Variants in SCN9A observed in about 807,000 individuals in gnomAD.
SCN9A encodes sodium channel protein type 9 subunit alpha.
SCN9A carries 131 observed loss-of-function variants against 187.0 expected under a neutral mutation model. The ratio of observed to expected loss-of-function variants is 0.70; its 90% CI spans 0.61 to 0.81. SCN9A has a LOEUF of 0.81. Among genes scored for constraint, SCN9A ranks in the 30% least tolerant of loss-of-function variants. The pLI is 0.00. For synonymous variants in SCN9A, 809 were observed against 808.6 expected (o/e 1.00, Z -0.01); for missense variants, 2,252 against 2,396.6 (o/e 0.94, Z 1.26).
intron 1 of SCN9A, among the ~76,000 whole-genome samples, chr2:166,355,255 A>G (rs1455334220): frequency 6.6e-6 from 1 of 152,060 alleles, no homozygotes; most frequent in Non-Finnish European, 1.5e-5. Flanking sequence ...TTTTATATAT[A>G]TATACATACT....
intron 1 of SCN9A, among the ~76,000 whole-genome samples, chr2:166,341,054 G>C (rs1699773449): frequency 6.6e-6 from 1 of 152,056 alleles, no homozygotes; most frequent in Admixed American, 6.6e-5. Flanking sequence ...ATTTTCTAAA[G>C]AACTATTTCC....
chr2:166,336,037 C>T (rs1699618052), intron 1 of SCN9A, among the ~76,000 whole-genome samples: 1 of 151,778 alleles, frequency 6.6e-6, no homozygotes, highest in Admixed American at 6.6e-5. Context: ...AATGTTACAC[C>T]ATTTTATGTA....
At chr2:166,215,305 A>C (rs1694283687) in intron 24 of SCN9A, among the ~76,000 whole-genome samples, 1 of 152,146 alleles carries the variant, frequency 6.6e-6, no homozygotes, top group East Asian at 1.9e-4. Flanking sequence ...AGAAGCCCTG[A>C]GAGAAAAATT....
At chr2:166,358,132 C>G (rs771392468) in intron 1 of SCN9A, among the ~76,000 whole-genome samples, 2 of 151,432 alleles carry the variant, frequency 1.3e-5, no homozygotes, top group Non-Finnish European at 2.9e-5. Flanking sequence ...TGCCTTGGTG[C>G]GATCTCAGCT....
intron 11 of SCN9A, 71 bp downstream of exon 11, chr2:166,286,265 T>C (rs1178457029): frequency 1.3e-5 from 19 of 1,429,098 alleles, no homozygotes; most frequent in African/African-American, 3.6e-5. Context: ...CGAGTTCTCT[T>C]ACCCTAAAAT....
At position 166,202,282 on chromosome 2, in the gene SCN9A, T is replaced by C. The variant is rs778925730; in HGVS notation, c.4774+1673A>G. On this transcript the variant is annotated intron_variant, in intron 26 of 26. Coordinates refer to ENST00000642356, the MANE Select transcript of SCN9A (RefSeq NM_001365536.1). ...ATGGTTATATGTCTATTTCCACATA[T>C]TTCCTACTAGAATCTTTTTTTTTAA... 5.9e-5 allele frequency among the ~76,000 whole-genome samples: 9 copies of C among 151,854 alleles called. 1 individual carries two copies. In the South Asian group the frequency reaches 8.3e-4, roughly 14 times the overall value.
chr2:166,280,620 G>A, intron 13 of SCN9A, 25 bp from the exon 14 acceptor site: 1 of 1,359,700 alleles, frequency 7.4e-7, no homozygotes, highest in Non-Finnish European at 1.0e-6. Context: ...CAGAGAACAT[G>A]GAGTCAGCCA....
intron 1 of SCN9A, among the ~76,000 whole-genome samples, chr2:166,334,749 G>T (rs990075597): frequency 3.3e-5 from 5 of 152,118 alleles, no homozygotes; most frequent in Non-Finnish European, 5.9e-5. Flanking sequence ...TACGGCAGTA[G>T]ATTTTGTCCT....
At chr2:166,203,478 A>T (rs1410445457) in intron 26 of SCN9A, among the ~76,000 whole-genome samples, 1 of 151,936 alleles carries the variant, frequency 6.6e-6, no homozygotes, top group Non-Finnish European at 1.5e-5. Context: ...TGAAGTATTA[A>T]GCTGTAAAAA....
chr2:166,349,249 G>T (rs1427378457), intron 1 of SCN9A, among the ~76,000 whole-genome samples: 1 of 152,022 alleles, frequency 6.6e-6, no homozygotes, highest in Non-Finnish European at 1.5e-5. Context: ...GCCCAATGGG[G>T]TACATAGAAG....
intron 26 of SCN9A, among the ~76,000 whole-genome samples, chr2:166,203,040 C>T (rs1262985775): frequency 6.6e-6 from 1 of 151,344 alleles, no homozygotes. Flanking sequence ...GGAATGCTTT[C>T]AGAATCATTT....
intron 1 of SCN9A, among the ~76,000 whole-genome samples, chr2:166,359,741 C>T (rs541084553): frequency 9.2e-4 from 135 of 146,922 alleles, no homozygotes; most frequent in Admixed American, 1.4e-3. Flanking sequence ...GCTGTATATG[C>T]GATAATTTTA....
At position 166,277,913 on chromosome 2, in the gene SCN9A, A is replaced by G. The variant is rs576191783; in HGVS notation, c.2517+227T>C. 3.7e-4 allele frequency: 169 copies of G among 451,416 alleles called. 1 individual carries two copies. Among genetic ancestry groups the G allele is most frequent in the African/African-American group, 2.9e-3 (144 of 49,220 alleles). 28.0% of individuals were successfully genotyped at this position (451,416 alleles called of 1,614,324 possible). On this transcript the variant is annotated intron_variant, in intron 15 of 26. Transcript: ENST00000642356. ...TAATAGAAAATATTTATATTATATT[A>G]GCGTGTACTTCAAATTAGAATTGAG...
intron 1 of SCN9A, among the ~76,000 whole-genome samples, chr2:166,366,871 T>C (rs1047789161): frequency 2.6e-5 from 4 of 152,192 alleles, no homozygotes; most frequent in African/African-American, 7.2e-5. Flanking sequence ...TTAAAAAAAT[T>C]GCATGCAAAA....
intron 1 of SCN9A, among the ~76,000 whole-genome samples, chr2:166,328,235 T>C (rs773197006): frequency 3.3e-5 from 5 of 151,944 alleles, no homozygotes; most frequent in South Asian, 2.1e-4. Flanking sequence ...TCAAACTATA[T>C]TTTTAGGATA....
At chr2:166,360,146 G>A (rs1254368069) in intron 1 of SCN9A, among the ~76,000 whole-genome samples, 5 of 142,358 alleles carry the variant, frequency 3.5e-5, no homozygotes, top group East Asian at 2.0e-4. Flanking sequence ...GCTTGAACCC[G>A]GGAGGTGGAT....
In SCN9A at chr2:166,286,576, T is replaced by C; in HGVS notation, c.1362A>G (p.Arg454=). 6.3e-7 allele frequency: 1 copy of C among 1,598,586 alleles called. No homozygotes were observed. ...AAGAACTCTCTGAGAGGCCCATAAT[T>C]CTGCTTCTCCTAATACTTGTATATT... is the stretch of plus-strand genomic sequence containing the variant. ...AAEYTSIRRS[R]IMGLSESSSE... is the part of the protein sequence containing the mutation. The change falls in exon 11 of 27, where the codon AGA becomes AGG. Residue 454 remains arginine (R), a synonymous_variant. Coordinates refer to ENST00000642356, the MANE Select transcript of SCN9A (RefSeq NM_001365536.1).
intron 24 of SCN9A, among the ~76,000 whole-genome samples, chr2:166,219,653 G>T (rs953009241): frequency 2.0e-5 from 3 of 151,996 alleles, no homozygotes; most frequent in Non-Finnish European, 2.9e-5. Context: ...GAAATAATCT[G>T]TACAACAAAC....
At position 166,205,607 on chromosome 2, in the gene SCN9A, G is replaced by T. The variant is rs184553008; in HGVS notation, c.4399-1143C>A. On this transcript the variant is annotated intron_variant, in intron 24 of 26. Coordinates refer to ENST00000642356, the MANE Select transcript of SCN9A (RefSeq NM_001365536.1). ...CATTCAGGACATAGGCATGGGCAAA[G>T]ACTTCATGACTAAAACACCAAAAGC... Among the ~76,000 whole-genome samples, 129 of 152,230 alleles carry T rather than the reference G, an allele frequency of 8.5e-4. 1 individual carries two copies. Among genetic ancestry groups the T allele is most frequent in the Admixed American group, 3.0e-3 (46 of 15,284 alleles).
Sources: allele counts gnomAD v4.1 joint callset (sites outside exome capture counted in the v4.1 genomes callset), GRCh38; gene constraint gnomAD v4.1.1; transcripts MANE v1.5; gene names NCBI Gene and HGNC (gene_info 2026-07-23, HGNC 2026-07-21).